DLG2: variants seen among roughly 807,000 people sequenced by gnomAD.
DLG2 encodes discs large MAGUK scaffold protein 2.
A neutral mutation model predicts 132.5 loss-of-function variants in DLG2; 45 were observed. That is an observed-to-expected ratio of 0.34 (90% CI 0.27 to 0.44). DLG2 has a LOEUF of 0.44. Ranked by LOEUF, DLG2 falls within the 20% of genes least tolerant of loss-of-function variation. The pLI is 1.00. For missense variants in DLG2, 1,045 were observed against 1,196.9 expected (o/e 0.87, Z 1.87); for synonymous variants, 424 against 419.6 (o/e 1.01, Z -0.13).
chr11:84,940,170 A>T (rs1294573697), intron 6 of DLG2, among the ~76,000 whole-genome samples: 1 of 152,118 alleles, frequency 6.6e-6, no homozygotes, highest in Non-Finnish European at 1.5e-5. Context: ...GCATTTTTTT[A>T]AATGGACTCT....
intron 4 of DLG2, among the ~76,000 whole-genome samples, chr11:85,264,694 C>A (rs563562219): frequency 6.6e-6 from 1 of 152,248 alleles, no homozygotes; most frequent in South Asian, 2.1e-4. Flanking sequence ...CTCCCAACCA[C>A]CCCAGGAGTG....
At chr11:83,666,263 G>A (rs1023926385) in intron 18 of DLG2, among the ~76,000 whole-genome samples, 5 of 152,094 alleles carry the variant, frequency 3.3e-5, no homozygotes, top group Non-Finnish European at 7.4e-5. Flanking sequence ...AGGCAGCCGT[G>A]GTTTCTTTAA....
At chr11:85,611,838 T>C (rs1254408726) in intron 2 of DLG2, among the ~76,000 whole-genome samples, 4 of 151,918 alleles carry the variant, frequency 2.6e-5, no homozygotes, top group East Asian at 3.9e-4. Flanking sequence ...GGTGGCAGTC[T>C]TACACTGTCG....
chr11:84,556,865 C>A (rs2099412961), intron 6 of DLG2, among the ~76,000 whole-genome samples: 2 of 152,174 alleles, frequency 1.3e-5, no homozygotes, highest in Non-Finnish European at 2.9e-5. Context: ...AATGGCCCTA[C>A]ATAACAAAGT....
At chr11:83,476,818 G>A (rs2092656273) in intron 22 of DLG2, among the ~76,000 whole-genome samples, 2 of 152,064 alleles carry the variant, frequency 1.3e-5, no homozygotes, top group South Asian at 4.1e-4. Flanking sequence ...ATGGAAATGG[G>A]GCTATTAATG....
chr11:85,565,336 G>A (rs890118724), intron 3 of DLG2, among the ~76,000 whole-genome samples: 4 of 152,024 alleles, frequency 2.6e-5, no homozygotes, highest in Non-Finnish European at 5.9e-5. Context: ...TAAGCTGTGG[G>A]TAGAGGGGTT....
At chr11:84,813,289 T>C (rs2076765346) in intron 6 of DLG2, among the ~76,000 whole-genome samples, 1 of 152,060 alleles carries the variant, frequency 6.6e-6, no homozygotes, top group Non-Finnish European at 1.5e-5. Context: ...TGAGCACTAA[T>C]GTGCCAGGCA....
At chr11:84,775,423 G>C (rs904052235) in intron 6 of DLG2, among the ~76,000 whole-genome samples, 2 of 151,976 alleles carry the variant, frequency 1.3e-5, no homozygotes, top group Non-Finnish European at 2.9e-5. Flanking sequence ...CGCATTAGTG[G>C]GTATATATCC....
intron 7 of DLG2, among the ~76,000 whole-genome samples, chr11:84,395,531 C>T (rs1336839709): frequency 2.6e-5 from 4 of 152,256 alleles, no homozygotes; most frequent in African/African-American, 9.6e-5. Context: ...ATCCTCCCAC[C>T]TCCAGCCTCT....
chr11:84,952,618 T>C (rs576002578), intron 6 of DLG2, among the ~76,000 whole-genome samples: 2 of 150,632 alleles, frequency 1.3e-5, no homozygotes, highest in East Asian at 3.9e-4. Context: ...ACTGGACACA[T>C]GCAGGAATTG....
At chr11:85,480,756 C>A (rs1169904309) in intron 3 of DLG2, among the ~76,000 whole-genome samples, 2 of 152,152 alleles carry the variant, frequency 1.3e-5, no homozygotes, top group Admixed American at 1.3e-4. Context: ...AATTCAGTGA[C>A]AATTAAATAA....
At chr11:85,200,647 G>C (rs1255099346) in intron 4 of DLG2, among the ~76,000 whole-genome samples, 1 of 152,094 alleles carries the variant, frequency 6.6e-6, no homozygotes, top group East Asian at 1.9e-4. Flanking sequence ...CAGCAGATAT[G>C]GAGGTGGTCC....
intron 6 of DLG2, chr11:84,686,921 A>G (rs2099738722): frequency 6.6e-6 from 1 of 152,106 alleles, no homozygotes; most frequent in Non-Finnish European, 1.5e-5. Flanking sequence ...CAGTGGTTCC[A>G]GCTTCCTGTG....
intron 6 of DLG2, among the ~76,000 whole-genome samples, chr11:84,604,214 G>C (rs1243636192): frequency 6.6e-6 from 1 of 151,884 alleles, no homozygotes; most frequent in African/African-American, 2.4e-5. Context: ...AAGATATTCT[G>C]ATACCAGAGG....
At chr11:85,221,260 T>C (rs545753018) in intron 4 of DLG2, among the ~76,000 whole-genome samples, 1 of 152,062 alleles carries the variant, frequency 6.6e-6, no homozygotes, top group Admixed American at 6.6e-5. Context: ...ATGGTCTCAA[T>C]CTCCTGACCT....
chr11:84,327,112 C>CTTTTTTTTTTTTTTTTTTTT, intron 7 of DLG2, among the ~76,000 whole-genome samples: 1 of 119,036 alleles, frequency 8.4e-6, no homozygotes, highest in Non-Finnish European at 1.7e-5. Flanking sequence ...TAATGAGAAT[C>CTTTTTTTTTTTTTTTTTTTT]TTTTTTTTTT....
At chr11:84,429,688 A>C (rs1567612264) in intron 7 of DLG2, among the ~76,000 whole-genome samples, 1 of 152,214 alleles carries the variant, frequency 6.6e-6, no homozygotes, top group Non-Finnish European at 1.5e-5. Context: ...CCTGCAATAC[A>C]TGTGCAAATA....
intron 18 of DLG2, among the ~76,000 whole-genome samples, chr11:83,762,650 G>A (rs1371229531): frequency 5.3e-5 from 8 of 150,984 alleles, no homozygotes; most frequent in Admixed American, 4.6e-4. Flanking sequence ...GCATGATCTC[G>A]GCTCACTGCA....
intron 6 of DLG2, among the ~76,000 whole-genome samples, chr11:85,006,170 T>C (rs777223766): frequency 1.5e-4 from 23 of 152,204 alleles, no homozygotes; most frequent in Non-Finnish European, 3.1e-4. Context: ...ATCAGGGATA[T>C]TGGCCTGAAA....
Sources: gnomAD v4.1 joint callset for allele counts (sites outside exome capture counted in the v4.1 genomes callset) on GRCh38, gnomAD v4.1.1 for gene constraint, MANE v1.5 for transcripts, NCBI Gene and HGNC (gene_info 2026-07-23, HGNC 2026-07-21) for gene names.